CABCOCO1: variants seen among roughly 807,000 people sequenced by gnomAD.
The protein encoded by CABCOCO1 is ciliary-associated calcium-binding coiled-coil protein 1.
Under a neutral mutation model 35.7 loss-of-function variants are expected in CABCOCO1, and 28 were observed. That is an observed-to-expected ratio of 0.78 (90% CI 0.58 to 1.07). CABCOCO1 has a LOEUF of 1.07. CABCOCO1 is among the 50% of genes least tolerant of loss of function. CABCOCO1 has a pLI of 0.00. For synonymous variants in CABCOCO1, 95 were observed against 100.1 expected (o/e 0.95, Z 0.30); for missense variants, 326 against 309.2 (o/e 1.05, Z -0.41).
At chr10:61,671,097 C>T (rs1036056804) in intron 1 of CABCOCO1, among the ~76,000 whole-genome samples, 7 of 152,118 alleles carry the variant, frequency 4.6e-5, no homozygotes, top group Admixed American at 6.5e-5. Flanking sequence ...GAGGCTGAGG[C>T]GGGCAGGTCA....
chr10:61,666,217 C>T (rs988870078), intron 1 of CABCOCO1, among the ~76,000 whole-genome samples: 1 of 152,182 alleles, frequency 6.6e-6, no homozygotes, highest in African/African-American at 2.4e-5. Flanking sequence ...AAACAGACCC[C>T]ACTCCATCGT....
intron 5 of CABCOCO1, among the ~76,000 whole-genome samples, chr10:61,722,991 AT>A (rs1233964363): frequency 2.0e-5 from 3 of 152,230 alleles, no homozygotes; most frequent in Non-Finnish European, 4.4e-5. Context: ...AGCTGTTCAC[AT>A]TTTTTATAAA....
At chr10:61,754,387 T>C (rs116917311) in intron 5 of CABCOCO1, among the ~76,000 whole-genome samples, 1,804 of 152,230 alleles carry the variant, frequency 0.012, 23 homozygotes, top group Non-Finnish European at 0.019. Context: ...CATCTTTTCC[T>C]TTTAAATTGC....
At chr10:61,717,737 T>C (rs1355600355) in intron 5 of CABCOCO1, among the ~76,000 whole-genome samples, 1 of 152,100 alleles carries the variant, frequency 6.6e-6, no homozygotes, top group Non-Finnish European at 1.5e-5. Flanking sequence ...AAGGGAGGAA[T>C]CACTTCGGAA....
chr10:61,671,543 G>A (rs1839361031), intron 1 of CABCOCO1, among the ~76,000 whole-genome samples: 1 of 152,088 alleles, frequency 6.6e-6, no homozygotes, highest in African/African-American at 2.4e-5. Context: ...TGTATTATTA[G>A]TATCACCACC....
intron 5 of CABCOCO1, among the ~76,000 whole-genome samples, chr10:61,736,210 T>C (rs552949895): frequency 4.6e-5 from 7 of 152,312 alleles, no homozygotes; most frequent in African/African-American, 1.7e-4. Context: ...TTTTGGTGTC[T>C]TTGTCATTCC....
chr10:61,680,637 C>T (rs562018279), intron 2 of CABCOCO1, among the ~76,000 whole-genome samples: 3 of 53,034 alleles, frequency 5.7e-5, no homozygotes, highest in African/African-American at 2.0e-4. Context: ...ACATGTTATA[C>T]ATATATAATA....
intron 5 of CABCOCO1, among the ~76,000 whole-genome samples, chr10:61,730,185 A>G (rs980911749): frequency 6.7e-6 from 1 of 149,988 alleles, no homozygotes; most frequent in African/African-American, 2.4e-5. Context: ...AAAAAAAACT[A>G]GAGCTTCTTA....
At chr10:61,701,927 T>TCCAA in intron 5 of CABCOCO1, 3 of 511,232 alleles carry the variant, frequency 5.9e-6, no homozygotes, top group Non-Finnish European at 7.6e-6. Flanking sequence ...AAACCAAAGA[T>TCCAA]CGTTGGATCT....
At chr10:61,666,215 C>T (rs1169422955) in intron 1 of CABCOCO1, among the ~76,000 whole-genome samples, 1 of 152,156 alleles carries the variant, frequency 6.6e-6, no homozygotes, top group East Asian at 1.9e-4. Context: ...GAAAACAGAC[C>T]CCACTCCATC....
intron 5 of CABCOCO1, among the ~76,000 whole-genome samples, chr10:61,731,796 G>C (rs972404384): frequency 6.8e-6 from 1 of 145,986 alleles, no homozygotes; most frequent in South Asian, 2.2e-4. Flanking sequence ...GGGAGGGAAG[G>C]GGGGGAAAGT....
intron 5 of CABCOCO1, among the ~76,000 whole-genome samples, chr10:61,717,934 C>T (rs535971240): frequency 1.3e-5 from 2 of 152,220 alleles, no homozygotes; most frequent in East Asian, 1.9e-4. Flanking sequence ...AGGGAAGAGA[C>T]GACTCATCTT....
chr10:61,750,530 C>T lies in CABCOCO1; in HGVS notation c.553-9529C>T, dbSNP rs144084438. On this transcript the variant is annotated intron_variant, in intron 5 of 7. Coordinates refer to ENST00000648843, the MANE Select transcript of CABCOCO1 (RefSeq NM_001366906.2). ...GGCGGAGTTTGCAGTGAGCCGAGAT[C>T]GTGCCACTGGACTCCAGCCTGGGCA... 5.0e-3 allele frequency among the ~76,000 whole-genome samples: 761 copies of T among 152,224 alleles called. 4 individuals are homozygous for T. The highest frequency in any genetic ancestry group is 0.017 in the African/African-American group (698 of 41,536).
chr10:61,725,955 C>T (rs1841138439), intron 5 of CABCOCO1, among the ~76,000 whole-genome samples: 2 of 151,886 alleles, frequency 1.3e-5, no homozygotes, highest in Non-Finnish European at 2.9e-5. Flanking sequence ...AAAAGGGATA[C>T]AAACAAGATA....
At chr10:61,692,984 A>G (rs987492226) in intron 5 of CABCOCO1, among the ~76,000 whole-genome samples, 2 of 152,136 alleles carry the variant, frequency 1.3e-5, no homozygotes, top group Non-Finnish European at 2.9e-5. Context: ...TCAAGAAAAA[A>G]TTTCAGAAAG....
intron 2 of CABCOCO1, among the ~76,000 whole-genome samples, chr10:61,675,609 G>A (rs932855289): frequency 4.6e-5 from 7 of 152,106 alleles, no homozygotes; most frequent in Admixed American, 1.3e-4. Context: ...TTAAAAATAC[G>A]TAGTGTGCAG....
chr10:61,723,489 G>A (rs1490821009), intron 5 of CABCOCO1, among the ~76,000 whole-genome samples: 2 of 152,140 alleles, frequency 1.3e-5, no homozygotes, highest in Admixed American at 1.3e-4. Flanking sequence ...AATGAAACAG[G>A]CAGTGTATTA....
chr10:61,680,622 CAT>C (rs1341816906), intron 2 of CABCOCO1, among the ~76,000 whole-genome samples: 2 of 45,352 alleles, frequency 4.4e-5, no homozygotes, highest in South Asian at 6.4e-4. Flanking sequence ...TTATACATAA[CAT>C]ATACATGTTA....
intron 2 of CABCOCO1, among the ~76,000 whole-genome samples, chr10:61,675,202 A>G (rs992433124): frequency 3.3e-5 from 5 of 152,172 alleles, no homozygotes; most frequent in Admixed American, 1.3e-4. Flanking sequence ...TGCTACCGCC[A>G]TAGCCATCTC....
Sources: gnomAD v4.1 joint callset for allele counts (sites outside exome capture counted in the v4.1 genomes callset) on GRCh38, gnomAD v4.1.1 for gene constraint, MANE v1.5 for transcripts, NCBI Gene and HGNC (gene_info 2026-07-23, HGNC 2026-07-21) for gene names.